ARVCF: variants seen among roughly 807,000 people sequenced by gnomAD.
ARVCF encodes ARVCF delta catenin family member, also known as splicing regulator ARVCF.
A neutral mutation model predicts 90.9 loss-of-function variants in ARVCF; 66 were observed. The ratio of observed to expected loss-of-function variants is 0.73; its 90% CI spans 0.60 to 0.89. The LOEUF is 0.89. ARVCF is among the 40% of genes least tolerant of loss of function. The pLI, the probability that ARVCF is intolerant of heterozygous loss-of-function variation, is 0.00. For synonymous variants in ARVCF, 653 were observed against 603.4 expected (o/e 1.08, Z -1.21); for missense variants, 1,469 against 1,382.3 (o/e 1.06, Z -1.00).
Position 19,990,804 on chromosome 22 carries a change from G to A in ARVCF, c.-10C>T, listed in dbSNP as rs563108541. The A allele has an allele frequency of 3.5e-5, 54 of 1,549,162 alleles. No individual in the cohort carries two copies. The South Asian group carries it at 4.8e-4, about 14-fold the overall frequency. On this transcript the variant is annotated 5_prime_UTR_variant, in exon 3 of 20. Coordinates refer to ENST00000263207, the MANE Select transcript of ARVCF (RefSeq NM_001670.3). ...CATTGCAGTCCTCCATGACCAGAGC[G>A]CCCGCCAGCTGCAGGCAAAGCAGAG...
At chr22:19,979,168 C>T in intron 6 of ARVCF, 88 bp from the exon 7 acceptor site, 2 of 1,380,972 alleles carry the variant, frequency 1.4e-6, no homozygotes, top group Admixed American at 4.0e-5. Context: ...CTGTCCCACT[C>T]TCCTCATGTC....
At chr22:19,998,695 G>A (rs1019345710) in intron 2 of ARVCF, among the ~76,000 whole-genome samples, 4 of 152,192 alleles carry the variant, frequency 2.6e-5, no homozygotes, top group Admixed American at 1.3e-4. Flanking sequence ...GGGAGCTCCC[G>A]CCAGTCAGGA....
rs143863692 is a variant in ARVCF, at chr22:19,972,847, C to T, written c.2551-20G>A. 19 of 1,613,614 alleles carry T rather than the reference C, an allele frequency of 1.2e-5. No homozygotes were observed. In the African/African-American group the frequency reaches 2.3e-4, roughly 19 times the overall value. ...AGCTGACTGAGACATAAAACACAGA[C>T]ACAGGGTGGGTGAAGCACATGGAGT... On this transcript the variant is annotated intron_variant, in intron 15 of 19. Transcript: ENST00000263207.
chr22:20,001,841 TC>T (rs1445891778), intron 2 of ARVCF, among the ~76,000 whole-genome samples: 3 of 151,868 alleles, frequency 2.0e-5, no homozygotes, highest in African/African-American at 7.3e-5. Context: ...ATAATGAGGA[TC>T]CCATGGAGAT....
At chr22:19,986,427 C>A (rs187266389) in intron 3 of ARVCF, among the ~76,000 whole-genome samples, 4 of 152,218 alleles carry the variant, frequency 2.6e-5, no homozygotes, top group African/African-American at 4.8e-5. Context: ...TGCCTCCCCC[C>A]ACCTCAATGC....
intron 2 of ARVCF, among the ~76,000 whole-genome samples, chr22:19,998,828 T>G (rs916887012): frequency 1.3e-5 from 2 of 152,134 alleles, no homozygotes; most frequent in Non-Finnish European, 2.9e-5. Context: ...GCACCAGGTG[T>G]GCCGAGAGGA....
chr22:19,972,818 C>T lies in ARVCF; in HGVS notation c.2560G>A (p.Ala854Thr). 1.9e-6 allele frequency: 3 copies of T among 1,613,554 alleles called. No individual in the cohort carries two copies. The highest frequency in any genetic ancestry group is 2.2e-5 in the East Asian group (1 of 44,874). The change falls in exon 16 of 20, where the codon GCT becomes ACT. Residue 854 changes from alanine (A) to threonine (T), a missense_variant. Ala to Thr is a moderately conservative substitution (Grantham distance 58). Coordinates refer to ENST00000263207, the MANE Select transcript of ARVCF (RefSeq NM_001670.3). The part of the protein sequence containing the change: ...WTKARFQSAA[A>T]TAKGPKGALS... ...GCTCCCTTAGGCCCCTTGGCAGTAGCAGCAGCTGACTGAGACATAAAACAC... is the reference window on the plus strand; with the variant it reads ...GCTCCCTTAGGCCCCTTGGCAGTAGTAGCAGCTGACTGAGACATAAAACAC...
chr22:19,980,188 C>T lies in ARVCF; in HGVS notation c.951G>A (p.Ala317=), dbSNP rs747586660. 39 of 1,563,062 alleles carry T rather than the reference C, an allele frequency of 2.5e-5. No homozygotes were observed. Among genetic ancestry groups the T allele is most frequent in the Admixed American group, 7.3e-5 (4 of 55,126 alleles). ...CCAGGGGCGCCGTCACCATTGGGAA[C>T]GCAGGCCGCTCGTCCGCCAGCTCGC... is the stretch of plus-strand genomic sequence containing the variant. ...DGGELADERP[A]FPMVTAPLAQ... Residue 317 remains alanine (A), a synonymous_variant, in exon 6 of 20, where the codon GCG becomes GCA. Transcript: ENST00000263207.
At chr22:19,974,344 G>A (rs943989761) in intron 11 of ARVCF, 105 bp from the exon 12 acceptor site, 14 of 1,383,614 alleles carry the variant, frequency 1.0e-5, no homozygotes, top group African/African-American at 2.9e-5. Flanking sequence ...GGTGAGCTGG[G>A]GCCAGGGATG....
At chr22:19,981,830 A>C (rs71312728) in intron 4 of ARVCF, 93 bp from the exon 5 acceptor site, 1 of 1,552,154 alleles carries the variant, frequency 6.4e-7, no homozygotes, top group South Asian at 1.2e-5. Context: ...CCACTCGAGC[A>C]ATGAGAGGCC....
At chr22:20,011,204 G>A (rs1418350514) in intron 1 of ARVCF, among the ~76,000 whole-genome samples, 1 of 152,222 alleles carries the variant, frequency 6.6e-6, no homozygotes, top group Non-Finnish European at 1.5e-5. Context: ...CTCAGGGGAG[G>A]ACCCTGCGGC....
At chr22:19,976,606 C>T (rs530920749) in intron 10 of ARVCF, 100 bp downstream of exon 10, 1 of 1,457,508 alleles carries the variant, frequency 6.9e-7, no homozygotes, top group Admixed American at 2.1e-5. Context: ...AGTGATGAAG[C>T]CAGGGGTGGG....
chr22:20,014,656 C>T (rs1433886147), intron 1 of ARVCF, among the ~76,000 whole-genome samples: 14 of 152,228 alleles, frequency 9.2e-5, no homozygotes. Flanking sequence ...ACAGAATGGG[C>T]CCTGACTCCC....
chr22:19,974,344 G>C, intron 11 of ARVCF, 105 bp from the exon 12 acceptor site: 1 of 1,383,732 alleles, frequency 7.2e-7, no homozygotes, highest in Admixed American at 2.7e-5. Context: ...GGTGAGCTGG[G>C]GCCAGGGATG....
Position 19,979,899 on chromosome 22 carries a change from C to A in ARVCF, c.1240G>T (p.Ala414Ser). 1 of 1,601,084 alleles carries A rather than the reference C, an allele frequency of 6.2e-7. No homozygotes were observed. The stretch of plus-strand genomic sequence containing the variant: ...CCACAGGCCCGGCGCCGCACCTCAG[C>A]CCGCGGGTGGTCCAGCAGTGCCACA... ...LLVALLDHPR[A>S]EVRRRACGAL... The change falls in exon 6 of 20, where the codon GCT (alanine) becomes TCT (serine). Residue 414 changes from alanine (A) to serine (S), a missense_variant. By Grantham distance (99) the Ala-to-Ser change is moderately conservative (BLOSUM62 1). Transcript: ENST00000263207.
At position 19,981,650 on chromosome 22, in the gene ARVCF, G is replaced by A; in HGVS notation, c.457C>T (p.Pro153Ser). ...CCATCTGCAAAAGGGCCTAGTGGGG[G>A]GCCGCCATCCAGCAGGGGGAGTCCA... ...PDGLPLLDGG[P>S]PLGPFADGAL... is the part of the protein sequence containing the mutation. The change falls in exon 5 of 20, where the codon CCC becomes TCC. Residue 153 changes from proline to serine, a missense_variant. By Grantham distance (74) the Pro-to-Ser change is moderately conservative (BLOSUM62 -1). Coordinates refer to ENST00000263207, the MANE Select transcript of ARVCF (RefSeq NM_001670.3). 1.2e-6 allele frequency: 2 copies of A among 1,609,782 alleles called. No individual in the cohort carries two copies. Among genetic ancestry groups the A allele is most frequent in the Non-Finnish European group, 1.7e-6 (2 of 1,179,452 alleles).
At chr22:19,995,528 C>T (rs975386445) in intron 2 of ARVCF, among the ~76,000 whole-genome samples, 2 of 152,142 alleles carry the variant, frequency 1.3e-5, no homozygotes, top group East Asian at 1.9e-4. Context: ...TGGTGAGGAA[C>T]CTGAGGGTAG....
At chr22:19,971,439 G>A in intron 18 of ARVCF, 104 bp from the exon 19 acceptor site, 1 of 1,389,226 alleles carries the variant, frequency 7.2e-7, no homozygotes, top group Non-Finnish European at 9.6e-7. Flanking sequence ...GTAAGGGTTG[G>A]CCTGCCAGGA....
chr22:19,994,271 G>A (rs1278916815), intron 2 of ARVCF, among the ~76,000 whole-genome samples: 6 of 149,308 alleles, frequency 4.0e-5, no homozygotes, highest in African/African-American at 1.5e-4. Context: ...GAATGAATGG[G>A]TCGGGGGGAT....
Sources: allele counts gnomAD v4.1 joint callset (sites outside exome capture counted in the v4.1 genomes callset), GRCh38; gene constraint gnomAD v4.1.1; transcripts MANE v1.5; gene names NCBI Gene and HGNC (gene_info 2026-07-23, HGNC 2026-07-21).